The following EXOC4 variants were observed in gnomAD, a reference collection of about 807,000 sequenced individuals.
EXOC4 encodes the protein exocyst complex component 4.
EXOC4 carries 71 observed loss-of-function variants against 107.2 expected under a neutral mutation model. The ratio of observed to expected loss-of-function variants is 0.66; its 90% CI spans 0.55 to 0.81. The LOEUF is 0.81. Ranked by LOEUF, EXOC4 falls within the 30% of genes least tolerant of loss-of-function variation. The pLI, the probability that EXOC4 is intolerant of heterozygous loss-of-function variation, is 0.00. For missense variants in EXOC4, 1,108 were observed against 1,189.6 expected (o/e 0.93, Z 1.01); for synonymous variants, 456 against 441.2 (o/e 1.03, Z -0.42).
chr7:133,877,483 G>A (rs1297343378), intron 11 of EXOC4, among the ~76,000 whole-genome samples: 1 of 152,086 alleles, frequency 6.6e-6, no homozygotes, highest in African/African-American at 2.4e-5. Context: ...TATCAGACAG[G>A]TCCAGAGTAG....
At chr7:133,767,546 G>A (rs1796164513) in intron 10 of EXOC4, among the ~76,000 whole-genome samples, 1 of 151,880 alleles carries the variant, frequency 6.6e-6, no homozygotes, top group Non-Finnish European at 1.5e-5. Context: ...CTTATTTCAA[G>A]AGACAAAATA....
chr7:133,789,468 G>A (rs1055475277), intron 10 of EXOC4, among the ~76,000 whole-genome samples: 1 of 152,180 alleles, frequency 6.6e-6, no homozygotes, highest in African/African-American at 2.4e-5. Flanking sequence ...GCTTCTGACT[G>A]TAGTTTCACA....
At chr7:133,935,321 C>G (rs557202539) in intron 13 of EXOC4, among the ~76,000 whole-genome samples, 11 of 152,116 alleles carry the variant, frequency 7.2e-5, no homozygotes, top group African/African-American at 2.7e-4. Flanking sequence ...CAGTTTACAT[C>G]TCACTGGCCA....
At chr7:133,306,883 G>C (rs1398493169) in intron 4 of EXOC4, among the ~76,000 whole-genome samples, 4 of 152,078 alleles carry the variant, frequency 2.6e-5, no homozygotes, top group African/African-American at 9.7e-5. Flanking sequence ...GGCCTGGGTA[G>C]TCTCAAGAAA....
chr7:133,861,008 C>T lies in EXOC4; in HGVS notation c.1735-34591C>T, dbSNP rs1798522094. 1.3e-5 allele frequency among the ~76,000 whole-genome samples: 2 copies of T among 152,162 alleles called. 1 individual carries two copies. The highest frequency in any genetic ancestry group is 4.1e-4 in the South Asian group (2 of 4,830). On this transcript the variant is annotated intron_variant, in intron 11 of 17. Coordinates refer to ENST00000253861, the MANE Select transcript of EXOC4 (RefSeq NM_021807.4). Reference sequence around the variant, plus strand: ...TCTTTATTAAGAATGCCCTTGGACCCATCCAAAGATATCCAAATACTACTG... The same window carrying T: ...TCTTTATTAAGAATGCCCTTGGACCTATCCAAAGATATCCAAATACTACTG...
At chr7:133,814,865 GT>G (rs1052043757) in intron 10 of EXOC4, among the ~76,000 whole-genome samples, 13 of 151,462 alleles carry the variant, frequency 8.6e-5, no homozygotes, top group African/African-American at 2.9e-4. Context: ...AAGTCATTTG[GT>G]TTTTTTTCTT....
At chr7:134,071,323 C>T (rs529928974), downstream of EXOC4, among the ~76,000 whole-genome samples, 20 of 152,276 alleles carry the variant, frequency 1.3e-4, no homozygotes, top group South Asian at 3.7e-3. Flanking sequence ...CTCACAACAG[C>T]CAATAAGACA....
At chr7:133,803,357 A>AT (rs906929306) in intron 10 of EXOC4, among the ~76,000 whole-genome samples, 7 of 152,080 alleles carry the variant, frequency 4.6e-5, no homozygotes, top group African/African-American at 1.4e-4. Flanking sequence ...TTGTTGTTTT[A>AT]TTTTTTTAAA....
intron 2 of EXOC4, among the ~76,000 whole-genome samples, chr7:133,280,872 TA>T (rs1436371989): frequency 2.6e-5 from 4 of 152,134 alleles, no homozygotes; most frequent in African/African-American, 9.7e-5. Flanking sequence ...ATGCTGCTTG[TA>T]TGAGAAAGGG....
intron 10 of EXOC4, among the ~76,000 whole-genome samples, chr7:133,697,375 A>C (rs1458175872): frequency 3.3e-5 from 5 of 152,168 alleles, no homozygotes; most frequent in African/African-American, 4.8e-5. Context: ...TATTTCACTT[A>C]ATAATTTTGT....
chr7:133,430,337 T>A (rs1287001528), intron 7 of EXOC4, among the ~76,000 whole-genome samples: 2 of 152,180 alleles, frequency 1.3e-5, no homozygotes, highest in Middle Eastern at 3.2e-3. Flanking sequence ...CAGGGTGGTT[T>A]TGGAAAAAGC....
At chr7:133,985,728 C>T (rs1468322928) in intron 14 of EXOC4, among the ~76,000 whole-genome samples, 1 of 152,284 alleles carries the variant, frequency 6.6e-6, no homozygotes, top group Admixed American at 6.5e-5. Context: ...ACATTCATCT[C>T]TATATTTTGT....
chr7:133,766,391 C>G (rs1375427760), intron 10 of EXOC4, among the ~76,000 whole-genome samples: 4 of 151,962 alleles, frequency 2.6e-5, no homozygotes, highest in Admixed American at 2.0e-4. Context: ...AGGAAAGCAA[C>G]TCGCTTTCTA....
At chr7:133,813,930 A>C (rs536175025) in intron 10 of EXOC4, among the ~76,000 whole-genome samples, 8 of 152,312 alleles carry the variant, frequency 5.3e-5, no homozygotes, top group Admixed American at 3.3e-4. Context: ...TGGTTTAGTA[A>C]GTAAAGAAAA....
At chr7:133,992,357 A>G (rs1003057086) in intron 14 of EXOC4, among the ~76,000 whole-genome samples, 1 of 152,090 alleles carries the variant, frequency 6.6e-6, no homozygotes, top group Non-Finnish European at 1.5e-5. Context: ...ATCTCAGCTC[A>G]CTGCAACTTC....
chr7:133,497,813 A>G (rs1327829986), intron 9 of EXOC4, among the ~76,000 whole-genome samples: 3 of 152,108 alleles, frequency 2.0e-5, no homozygotes, highest in African/African-American at 7.2e-5. Context: ...CTAATGAGGA[A>G]GACATGTCTA....
At chr7:133,608,427 A>G (rs1020172141) in intron 9 of EXOC4, among the ~76,000 whole-genome samples, 1 of 152,156 alleles carries the variant, frequency 6.6e-6, no homozygotes, top group Non-Finnish European at 1.5e-5. Context: ...AGGATTAAAA[A>G]AAGAATGTGG....
chr7:133,709,777 C>T (rs1794846472), intron 10 of EXOC4, among the ~76,000 whole-genome samples: 1 of 149,844 alleles, frequency 6.7e-6, no homozygotes, highest in South Asian at 2.2e-4. Context: ...ATGACTTAAT[C>T]TCTTGTCTCA....
At chr7:133,359,127 A>T (rs945668651) in intron 6 of EXOC4, among the ~76,000 whole-genome samples, 10 of 152,230 alleles carry the variant, frequency 6.6e-5, no homozygotes, top group Admixed American at 1.3e-4. Flanking sequence ...AAGTATTTAG[A>T]GTAAACCACT....
Sources: gnomAD v4.1 joint callset for allele counts (sites outside exome capture counted in the v4.1 genomes callset) on GRCh38, gnomAD v4.1.1 for gene constraint, MANE v1.5 for transcripts, NCBI Gene and HGNC (gene_info 2026-07-23, HGNC 2026-07-21) for gene names.